REG4: variants seen among roughly 807,000 people sequenced by gnomAD.
REG4 encodes the protein regenerating family member 4, also known as regenerating islet-derived protein 4.
Under a neutral mutation model 22.3 loss-of-function variants are expected in REG4, and 16 were observed. That is an observed-to-expected ratio of 0.72 (90% confidence interval 0.49 to 1.09). REG4 has a LOEUF of 1.09. REG4 is among the 50% of genes least tolerant of loss of function. The probability of loss-of-function intolerance (pLI) is 0.00; values close to 1 mark genes in which losing one functional copy is unlikely to be tolerated. For missense variants in REG4, 214 were observed against 193.9 expected (o/e 1.10, Z -0.61); for synonymous variants, 71 against 69.2 (o/e 1.03, Z -0.13).
chr1:119,803,052 G>C lies in REG4; in HGVS notation c.165+16C>G, dbSNP rs1397603601. The C allele has an allele frequency of 2.5e-6, 4 of 1,609,256 alleles. No homozygotes were observed. In the Admixed American group the frequency reaches 6.8e-5, roughly 27 times the overall value. ...GCTCTAGAAAGGCCAGGCCAAGCAG[G>C]CAGCAAGTTTCTTACCTCGGCATCA... is the stretch of plus-strand genomic sequence containing the variant. On this transcript the variant is annotated intron_variant, in intron 3 of 5. Coordinates refer to ENST00000256585, the MANE Select transcript of REG4 (RefSeq NM_032044.4).
At chr1:119,806,030 C>T (rs1256272483) in intron 2 of REG4, among the ~76,000 whole-genome samples, 1 of 152,212 alleles carries the variant, frequency 6.6e-6, no homozygotes, top group Admixed American at 6.5e-5. Flanking sequence ...TTCCCGGGCT[C>T]AGGTGATCCT....
chr1:119,807,613 G>GC (rs143607393), intron 2 of REG4, among the ~76,000 whole-genome samples: 8,113 of 152,260 alleles, frequency 0.053, 711 homozygotes, highest in African/African-American at 0.18. Flanking sequence ...CTCAAGAGCA[G>GC]CCCCCCAGAG....
At position 119,794,254 on chromosome 1, in the gene REG4, C is replaced by T; in HGVS notation, c.*364G>A. Reference sequence around the variant, plus strand: ...AGAAGGGTGTAGAAGCTGAAGGGGTCTAGAAGCTTACTCCTGAGTTTCTTC... The same window carrying T: ...AGAAGGGTGTAGAAGCTGAAGGGGTTTAGAAGCTTACTCCTGAGTTTCTTC... On this transcript the variant is annotated 3_prime_UTR_variant, in exon 6 of 6. Coordinates refer to ENST00000256585, the MANE Select transcript of REG4 (RefSeq NM_032044.4). The T allele has an allele frequency of 1.8e-6, 1 of 547,494 alleles. No individual in the cohort carries two copies. Among genetic ancestry groups the T allele is most frequent in the Admixed American group, 1.9e-5 (1 of 51,782 alleles). The allele number at this position is 547,494 out of a possible 1,614,324, so 33.9% of individuals were successfully genotyped here. A position where few individuals can be genotyped will look rare whatever the true frequency, so the allele number is the denominator to read the frequency against.
At chr1:119,802,634 G>T in intron 3 of REG4, 1 of 1,352,026 alleles carries the variant, frequency 7.4e-7, no homozygotes, top group Non-Finnish European at 9.4e-7. Flanking sequence ...CATTTTCTTG[G>T]ACTGCTTCAC....
At chr1:119,805,971 G>A (rs587598016) in intron 2 of REG4, among the ~76,000 whole-genome samples, 8 of 152,204 alleles carry the variant, frequency 5.3e-5, no homozygotes, top group Admixed American at 2.0e-4. Context: ...CACTCCCATC[G>A]CCCAGGCTGG....
Position 119,799,786 on chromosome 1 carries a change from T to C in REG4, c.242A>G (p.Glu81Gly), listed in dbSNP as rs945710266. 6.2e-7 allele frequency: 1 copy of C among 1,614,206 alleles called. No individual in the cohort carries two copies. The highest frequency in any genetic ancestry group is 1.1e-5 in the South Asian group (1 of 91,086). The change falls in exon 4 of 6, where the codon GAG becomes GGG. Residue 81 changes from glutamate to glycine, a missense_variant. Physicochemically the swap from Glu to Gly is moderately conservative, Grantham distance 98. Transcript: ENST00000256585. ...LSLKEASTIAEYISGYQRSQP... is the reference protein window; with the variant it reads ...LSLKEASTIAGYISGYQRSQP... ...GCTTCTCTGATAGCCACTTATGTAC[T>C]CTGCTATGGTGCTGGCTTCCTTTAA...
intron 3 of REG4, chr1:119,801,539 G>A (rs1654100022): frequency 6.6e-6 from 1 of 152,360 alleles, no homozygotes. Context: ...GTACGTGATA[G>A]CCTCCCTCCC....
chr1:119,803,536 G>T (rs934758925), intron 2 of REG4, among the ~76,000 whole-genome samples: 3 of 152,288 alleles, frequency 2.0e-5, no homozygotes, highest in Admixed American at 6.5e-5. Flanking sequence ...CTGAACCCAT[G>T]CTGTGGTTAT....
intron 5 of REG4, among the ~76,000 whole-genome samples, chr1:119,796,046 T>G (rs866702316): frequency 5.3e-5 from 8 of 152,208 alleles, no homozygotes; most frequent in African/African-American, 1.9e-4. Flanking sequence ...CTGAGAAACC[T>G]TACTTTCCCT....
intron 5 of REG4, among the ~76,000 whole-genome samples, chr1:119,796,003 A>G (rs1653930524): frequency 4.6e-5 from 7 of 152,076 alleles, no homozygotes; most frequent in Admixed American, 1.3e-4. Context: ...TGCTTTTCCC[A>G]CCTCATCAGA....
chr1:119,795,089 A>T (rs1653896455), intron 5 of REG4, among the ~76,000 whole-genome samples: 1 of 152,182 alleles, frequency 6.6e-6, no homozygotes. Flanking sequence ...CACAGCCCCC[A>T]CAATTGCATG....
At chr1:119,797,099 CA>C (rs1370241030) in intron 5 of REG4, among the ~76,000 whole-genome samples, 1 of 152,204 alleles carries the variant, frequency 6.6e-6, no homozygotes, top group Non-Finnish European at 1.5e-5. Flanking sequence ...ACTGCAATAA[CA>C]ACTACAATGT....
intron 5 of REG4, among the ~76,000 whole-genome samples, chr1:119,797,261 G>T (rs1653961433): frequency 6.6e-6 from 1 of 152,086 alleles, no homozygotes; most frequent in South Asian, 2.1e-4. Context: ...ATTGGTTTTG[G>T]TTGTGTTTTT....
intron 2 of REG4, among the ~76,000 whole-genome samples, chr1:119,807,528 C>T (rs1356590627): frequency 6.6e-6 from 1 of 152,178 alleles, no homozygotes; most frequent in Non-Finnish European, 1.5e-5. Context: ...GGTCTGAAGT[C>T]AGCACAGAAC....
intron 2 of REG4, among the ~76,000 whole-genome samples, chr1:119,807,261 C>A (rs1654349632): frequency 1.3e-5 from 2 of 152,178 alleles, no homozygotes; most frequent in South Asian, 4.1e-4. Context: ...CTCTTAAGTA[C>A]AGCAGTGCAA....
At chr1:119,801,358 A>G (rs1480492620) in intron 3 of REG4, 1 of 152,238 alleles carries the variant, frequency 6.6e-6, no homozygotes, top group African/African-American at 2.4e-5. Flanking sequence ...CCTCACACTT[A>G]CAAACCACTT....
chr1:119,797,228 C>T (rs1653960070), intron 5 of REG4, among the ~76,000 whole-genome samples: 1 of 152,066 alleles, frequency 6.6e-6, no homozygotes, highest in Admixed American at 6.5e-5. Flanking sequence ...GAGTAAAAAT[C>T]CACTTGTTGA....
rs1301652768 is a variant in REG4 at position 119,794,116 on chromosome 1, G to T, written c.*502C>A. 2 of 533,556 alleles carry T rather than the reference G, an allele frequency of 3.7e-6. No individual in the cohort carries two copies. Among genetic ancestry groups the T allele is most frequent in the Admixed American group, 3.9e-5 (2 of 51,594 alleles). 33.1% of individuals were successfully genotyped at this position (533,556 alleles called of 1,614,324 possible). On this transcript the variant is annotated 3_prime_UTR_variant, in exon 6 of 6. Coordinates refer to ENST00000256585, the MANE Select transcript of REG4 (RefSeq NM_032044.4). ...GTACACAATGGTTTATTAAAGGAAT[G>T]TATGGCCCACATCAACCTAGCAAGG...
At position 119,808,260 on chromosome 1, in the gene REG4, G is replaced by A. The variant is rs587668193; in HGVS notation, c.67+443C>T. Reference sequence around the variant, plus strand: ...TGCCATGTTACTTTGCACTTGATGTGTGATCTATAAATGTATAAGCGCCAT... The same window carrying A: ...TGCCATGTTACTTTGCACTTGATGTATGATCTATAAATGTATAAGCGCCAT... On this transcript the variant is annotated intron_variant, in intron 2 of 5. Transcript: ENST00000256585. Among the ~76,000 whole-genome samples the A allele has an allele frequency of 5.3e-5, 8 of 152,242 alleles. No individual in the cohort carries two copies. In the South Asian group the frequency reaches 1.7e-3, roughly 32 times the overall value.
Sources: gnomAD v4.1 joint callset for allele counts (sites outside exome capture counted in the v4.1 genomes callset) on GRCh38, gnomAD v4.1.1 for gene constraint, MANE v1.5 for transcripts, NCBI Gene and HGNC (gene_info 2026-07-23, HGNC 2026-07-21) for gene names.